Variants in DCAKD observed in about 807,000 individuals in gnomAD.
DCAKD encodes the protein dephospho-CoA kinase domain containing, also known as dephospho-CoA kinase domain-containing protein.
Under a neutral mutation model 18.7 loss-of-function variants are expected in DCAKD, and 15 were observed. The observed-to-expected ratio is 0.80, with a 90% CI of 0.54 to 1.24. The LOEUF (loss-of-function observed/expected upper bound fraction) is 1.24, where lower values mean the gene tolerates loss of function less well. Ranked by LOEUF, DCAKD falls within the 50% of genes most tolerant of loss-of-function variation. The pLI, the probability that DCAKD is intolerant of heterozygous loss-of-function variation, is 0.00. For synonymous variants in DCAKD, 130 were observed against 133.0 expected, an observed-to-expected ratio of 0.98 and a Z score of 0.16; for missense variants, 301 against 322.0, an observed-to-expected ratio of 0.93 and a Z score of 0.50.
intron 1 of DCAKD, among the ~76,000 whole-genome samples, chr17:45,057,497 G>A (rs2053794644): frequency 6.6e-6 from 1 of 151,884 alleles, no homozygotes; most frequent in Admixed American, 6.6e-5. Context: ...GAGCTCAGGA[G>A]TTGGAGACCA....
intron 3 of DCAKD, chr17:45,030,895 G>A: frequency 1.2e-6 from 1 of 837,018 alleles, no homozygotes; most frequent in Non-Finnish European, 1.4e-6. Flanking sequence ...GCACTGGCTG[G>A]ACCTCCCACC....
chr17:45,059,651 T>C (rs1445375115), intron 1 of DCAKD, among the ~76,000 whole-genome samples: 2 of 152,214 alleles, frequency 1.3e-5, no homozygotes, highest in Non-Finnish European at 2.9e-5. Context: ...ACTGATTTCC[T>C]TGAGTGAATA....
upstream of DCAKD, chr17:45,054,156 C>G (rs1418373382): frequency 1.9e-6 from 1 of 518,448 alleles, no homozygotes. Context: ...GTACAAACAC[C>G]CTGCCAGTAT....
intron 1 of DCAKD, among the ~76,000 whole-genome samples, chr17:45,049,667 C>T (rs1597982494): frequency 6.7e-6 from 1 of 148,668 alleles, no homozygotes; most frequent in African/African-American, 2.5e-5. Flanking sequence ...CAATCTAAAG[C>T]TATCAATCTA....
Position 45,034,984 on chromosome 17 carries a change from G to T in DCAKD, c.-99C>A. ...TGGCCGATGGGGGCGGTCCACCAGA[G>T]GAGTGCCAGAAGGACCTGCTTGGGA... On this transcript the variant is annotated 5_prime_UTR_variant, in exon 2 of 5. Coordinates refer to ENST00000651974, the MANE Select transcript of DCAKD (RefSeq NM_001288655.2). 1 of 1,295,798 alleles carries T rather than the reference G, an allele frequency of 7.7e-7. No individual in the cohort carries two copies. The highest frequency in any genetic ancestry group is 1.1e-6 in the Non-Finnish European group (1 of 916,658). 80.3% of individuals were successfully genotyped at this position (1,295,798 alleles called of 1,614,324 possible).
intron 3 of DCAKD, chr17:45,033,973 C>G (rs2053228218): frequency 6.3e-7 from 1 of 1,584,468 alleles, no homozygotes. Flanking sequence ...TGTGTCTCTT[C>G]TCATTAAACT....
intron 1 of DCAKD, among the ~76,000 whole-genome samples, chr17:45,057,655 A>C (rs907544351): frequency 6.7e-6 from 1 of 150,274 alleles, no homozygotes; most frequent in African/African-American, 2.5e-5. Flanking sequence ...GTGAGCCGAG[A>C]TAGTGCCACT....
chr17:45,059,073 T>C (rs1353818709), intron 1 of DCAKD, among the ~76,000 whole-genome samples: 2 of 152,006 alleles, frequency 1.3e-5, no homozygotes, highest in East Asian at 3.9e-4. Flanking sequence ...ACCCCGTCTC[T>C]ACTAAAAATA....
chr17:45,059,518 A>G (rs943946093), intron 1 of DCAKD, among the ~76,000 whole-genome samples: 2 of 152,232 alleles, frequency 1.3e-5, no homozygotes, highest in Non-Finnish European at 2.9e-5. Flanking sequence ...AGATTACTCA[A>G]TCAAAAGAGT....
intron 1 of DCAKD, among the ~76,000 whole-genome samples, chr17:45,037,361 A>G (rs1409249086): frequency 1.3e-5 from 2 of 152,300 alleles, no homozygotes; most frequent in South Asian, 2.1e-4. Context: ...CCTCTAGGTC[A>G]CAAAAAGGAC....
intron 1 of DCAKD, among the ~76,000 whole-genome samples, chr17:45,042,431 G>A (rs867738072): frequency 1.3e-5 from 2 of 152,154 alleles, no homozygotes; most frequent in South Asian, 2.1e-4. Context: ...CCGCCCCTGC[G>A]TGTGCCAGGC....
At chr17:45,037,056 T>C (rs1489437324) in intron 1 of DCAKD, among the ~76,000 whole-genome samples, 3 of 152,114 alleles carry the variant, frequency 2.0e-5, no homozygotes, top group East Asian at 3.8e-4. Flanking sequence ...AACCTAGAAA[T>C]TGAAATCTGC....
At chr17:45,054,103 C>T (rs559356383), upstream of DCAKD, 39 of 519,062 alleles carry the variant, frequency 7.5e-5, no homozygotes, top group South Asian at 4.9e-4. Context: ...ACTGCCATCA[C>T]CCAATAAAAA....
intron 1 of DCAKD, among the ~76,000 whole-genome samples, chr17:45,039,841 C>G (rs571536965): frequency 1.3e-5 from 2 of 152,192 alleles, no homozygotes; most frequent in Non-Finnish European, 2.9e-5. Context: ...TGGGGCCAGG[C>G]GCAGTGGCTG....
intron 1 of DCAKD, among the ~76,000 whole-genome samples, chr17:45,044,842 T>C (rs542318068): frequency 1.1e-4 from 16 of 152,270 alleles, no homozygotes; most frequent in African/African-American, 3.6e-4. Context: ...GGGTGATCAG[T>C]CCAAAGCATT....
intron 3 of DCAKD, chr17:45,033,736 AT>A: frequency 1.9e-6 from 1 of 535,868 alleles, no homozygotes; most frequent in Non-Finnish European, 2.6e-6. Context: ...AAGTGCTGGG[AT>A]TACAGGCATG....
chr17:45,054,182 A>C (rs947936493), upstream of DCAKD: 1 of 516,624 alleles, frequency 1.9e-6, no homozygotes, highest in African/African-American at 1.9e-5. Flanking sequence ...TCTCTTCCAC[A>C]TTATCTCTGC....
chr17:45,030,273 A>C (rs1039183144), intron 3 of DCAKD, 94 bp from the exon 4 acceptor site: 5 of 1,142,196 alleles, frequency 4.4e-6, no homozygotes, highest in Non-Finnish European at 6.6e-6. Context: ...AGCGCCCAGC[A>C]GAGGGGCAGG....
chr17:45,044,032 CTTTG>C (rs1162449175), intron 1 of DCAKD, among the ~76,000 whole-genome samples: 2 of 152,144 alleles, frequency 1.3e-5, no homozygotes, highest in Non-Finnish European at 2.9e-5. Flanking sequence ...TAGGAACAAA[CTTTG>C]TTTGCTCCTA....
Sources: gnomAD v4.1 joint callset for allele counts (sites outside exome capture counted in the v4.1 genomes callset) on GRCh38, gnomAD v4.1.1 for gene constraint, MANE v1.5 for transcripts, NCBI Gene and HGNC (gene_info 2026-07-23, HGNC 2026-07-21) for gene names.